KIAA0232: variants seen among roughly 807,000 people sequenced by gnomAD.
KIAA0232 encodes KIAA0232.
A neutral mutation model predicts 122.0 loss-of-function variants in KIAA0232; 27 were observed. That is an observed-to-expected ratio of 0.22 (90% CI 0.16 to 0.31). The LOEUF (loss-of-function observed/expected upper bound fraction) is 0.31, where lower values mean the gene tolerates loss of function less well. Among genes scored for constraint, KIAA0232 ranks in the 10% least tolerant of loss-of-function variants. The pLI is 1.00. For missense variants in KIAA0232, 1,551 were observed against 1,634.2 expected, an observed-to-expected ratio of 0.95 and a Z score of 0.88; for synonymous variants, 613 against 587.6, an observed-to-expected ratio of 1.04 and a Z score of -0.63.
At chr4:6,783,173 T>C (rs1159260327) in intron 1 of KIAA0232, among the ~76,000 whole-genome samples, 1 of 149,022 alleles carries the variant, frequency 6.7e-6, no homozygotes, top group African/African-American at 2.5e-5. Context: ...ACCGGGCCGC[T>C]GTTGATGGCT....
chr4:6,808,673 G>T (rs1717746285), intron 2 of KIAA0232, among the ~76,000 whole-genome samples: 1 of 152,016 alleles, frequency 6.6e-6, no homozygotes, highest in Non-Finnish European at 1.5e-5. Context: ...GTGAGAGAAT[G>T]AGTTAAAATT....
intron 3 of KIAA0232, among the ~76,000 whole-genome samples, chr4:6,840,714 A>C (rs1016362514): frequency 6.6e-6 from 1 of 151,670 alleles, no homozygotes; most frequent in African/African-American, 2.4e-5. Context: ...GTTTATGTAT[A>C]AGCAGACTTT....
rs1718562886 is a variant in KIAA0232 at position 6,824,241 on chromosome 4, C to T, written c.-213C>T. ...GTGAAATTAAAGTAGAAAATCACATCTACATGCATGTTGCTATCAGGATGT... is the reference window on the plus strand; with the variant it reads ...GTGAAATTAAAGTAGAAAATCACATTTACATGCATGTTGCTATCAGGATGT... On this transcript the variant is annotated 5_prime_UTR_variant, in exon 3 of 10. Transcript: ENST00000307659. 3 of 587,136 alleles carry T rather than the reference C, an allele frequency of 5.1e-6. No individual in the cohort carries two copies. Among genetic ancestry groups the T allele is most frequent in the South Asian group, 2.1e-5 (1 of 46,744 alleles). The allele number at this position is 587,136 out of a possible 1,614,324, so 36.4% of individuals were successfully genotyped here.
intron 2 of KIAA0232, among the ~76,000 whole-genome samples, chr4:6,809,608 G>A (rs1717784543): frequency 6.7e-6 from 1 of 149,982 alleles, no homozygotes; most frequent in Non-Finnish European, 1.5e-5. Flanking sequence ...GAAATAAAAG[G>A]CATCCAAATT....
At chr4:6,792,103 T>C (rs1259317263) in intron 1 of KIAA0232, among the ~76,000 whole-genome samples, 1 of 152,242 alleles carries the variant, frequency 6.6e-6, no homozygotes, top group Non-Finnish European at 1.5e-5. Flanking sequence ...TGTAAGTCAA[T>C]GAAACCTCTT....
chr4:6,798,293 G>A (rs1462902666), intron 1 of KIAA0232, among the ~76,000 whole-genome samples: 1 of 152,166 alleles, frequency 6.6e-6, no homozygotes, highest in African/African-American at 2.4e-5. Flanking sequence ...TTGATGCTGA[G>A]TAGGTGCTCA....
chr4:6,813,351 G>GTTTTTTTTTTTTTT (rs539648260), intron 2 of KIAA0232, among the ~76,000 whole-genome samples: 2 of 140,704 alleles, frequency 1.4e-5, no homozygotes. Context: ...ACTTAGATCT[G>GTTTTTTTTTTTTTT]TTTTTTTTTT....
chr4:6,848,231 C>A (rs1181101683), intron 4 of KIAA0232, among the ~76,000 whole-genome samples: 2 of 152,146 alleles, frequency 1.3e-5, no homozygotes, highest in Non-Finnish European at 2.9e-5. Context: ...CAGAGTACAA[C>A]TTAGTATTTT....
intron 3 of KIAA0232, among the ~76,000 whole-genome samples, chr4:6,830,403 C>CTTTTTTTTTTTTTTTTTTTTTTTGT (rs1718906458): frequency 1.3e-5 from 1 of 75,528 alleles, no homozygotes; most frequent in Non-Finnish European, 2.8e-5. Context: ...TCTCTGTTGT[C>CTTTTTTTTTTTTTTTTTTTTTTTGT]TTTTTTTTTT....
At chr4:6,837,027 G>A (rs947508973) in intron 3 of KIAA0232, among the ~76,000 whole-genome samples, 8 of 152,092 alleles carry the variant, frequency 5.3e-5, no homozygotes, top group African/African-American at 2.4e-5. Flanking sequence ...AACCGCCATC[G>A]TCATCATGGC....
At chr4:6,858,620 G>A in intron 6 of KIAA0232, 114 bp downstream of exon 6, 1 of 649,764 alleles carries the variant, frequency 1.5e-6, no homozygotes, top group Non-Finnish European at 2.6e-6. Flanking sequence ...TATATATAAT[G>A]TAAGAAACAT....
At chr4:6,787,689 T>A (rs936496179) in intron 1 of KIAA0232, among the ~76,000 whole-genome samples, 3 of 152,224 alleles carry the variant, frequency 2.0e-5, no homozygotes, top group East Asian at 1.9e-4. Context: ...TTACTCCTTA[T>A]GAAGATAGTT....
At chr4:6,841,003 A>G (rs1577389397) in intron 3 of KIAA0232, among the ~76,000 whole-genome samples, 1 of 152,266 alleles carries the variant, frequency 6.6e-6, no homozygotes, top group East Asian at 1.9e-4. Flanking sequence ...AGCATGAGGG[A>G]CCTCTCAAAT....
At chr4:6,792,973 A>C (rs1420409111) in intron 1 of KIAA0232, among the ~76,000 whole-genome samples, 1 of 152,240 alleles carries the variant, frequency 6.6e-6, no homozygotes, top group East Asian at 1.9e-4. Flanking sequence ...GGCATGAGCC[A>C]CCGTGCTCGG....
chr4:6,806,094 C>CTTT (rs1421623060), intron 2 of KIAA0232, among the ~76,000 whole-genome samples: 1 of 152,076 alleles, frequency 6.6e-6, no homozygotes, highest in Non-Finnish European at 1.5e-5. Flanking sequence ...TCCTTTTGTC[C>CTTT]TGTAAAGTGT....
chr4:6,868,813 A>G (rs752523297), intron 7 of KIAA0232, among the ~76,000 whole-genome samples: 1 of 152,220 alleles, frequency 6.6e-6, no homozygotes, highest in African/African-American at 2.4e-5. Flanking sequence ...TATTCCTTGA[A>G]TATGTTTAGT....
At chr4:6,825,888 C>T (rs537061598) in intron 3 of KIAA0232, among the ~76,000 whole-genome samples, 2 of 152,164 alleles carry the variant, frequency 1.3e-5, no homozygotes, top group African/African-American at 2.4e-5. Context: ...TGGCTTTGCC[C>T]CTCCAGACCA....
chr4:6,789,333 G>A (rs541452757), intron 1 of KIAA0232, among the ~76,000 whole-genome samples: 1 of 150,334 alleles, frequency 6.7e-6, no homozygotes, highest in East Asian at 1.9e-4. Flanking sequence ...GAGTATAGTG[G>A]CGTGATCTTG....
intron 4 of KIAA0232, among the ~76,000 whole-genome samples, chr4:6,848,025 A>AAT (rs1405917445): frequency 6.6e-6 from 1 of 152,200 alleles, no homozygotes; most frequent in Non-Finnish European, 1.5e-5. Flanking sequence ...ACTCTTCCAT[A>AAT]ATACCATTCT....
Sources: allele counts gnomAD v4.1 joint callset (sites outside exome capture counted in the v4.1 genomes callset), GRCh38; gene constraint gnomAD v4.1.1; transcripts MANE v1.5; gene names NCBI Gene and HGNC (gene_info 2026-07-23, HGNC 2026-07-21).